The following SLC5A4 variants were observed in gnomAD, a reference collection of about 807,000 sequenced individuals.
SLC5A4 encodes probable glucose sensor protein SLC5A4.
In SLC5A4, 55 loss-of-function variants were observed where a neutral mutation model predicts 70.3. That is an observed-to-expected ratio of 0.78 (90% CI 0.63 to 0.98). The LOEUF (loss-of-function observed/expected upper bound fraction) is 0.98. Among genes scored for constraint, SLC5A4 ranks in the 50% least tolerant of loss-of-function variants. The pLI, the probability that SLC5A4 is intolerant of heterozygous loss-of-function variation, is 0.00. For missense variants in SLC5A4, 735 were observed against 839.2 expected (o/e 0.88, Z 1.53); for synonymous variants, 268 against 305.7 (o/e 0.88, Z 1.29).
the SLC5A4 span, among the ~76,000 whole-genome samples, chr22:32,308,601 C>A: frequency 8.0e-4 from 122 of 152,190 alleles, no homozygotes; most frequent in African/African-American, 2.4e-3. Context: ...GCTGTGTTTC[C>A]CCTGACATTC....
At chr22:32,336,881 C>T in the SLC5A4 span, among the ~76,000 whole-genome samples, 2 of 152,358 alleles carry the variant, frequency 1.3e-5, no homozygotes, top group East Asian at 3.9e-4. Context: ...GAACTTAACA[C>T]GCGGCATGGC....
At chr22:32,334,719 T>C in the SLC5A4 span, among the ~76,000 whole-genome samples, 3 of 152,164 alleles carry the variant, frequency 2.0e-5, no homozygotes, top group African/African-American at 4.8e-5. Context: ...GTCCCAGGGA[T>C]TGAATCATGG....
intron 13 of SLC5A4, among the ~76,000 whole-genome samples, chr22:32,221,735 TG>T (rs1194922790): frequency 1.3e-5 from 2 of 152,036 alleles, no homozygotes; most frequent in Non-Finnish European, 2.9e-5. Context: ...CAAGTATCAA[TG>T]TTTTTTTTTT....
chr22:32,344,194 A>G, the SLC5A4 span, among the ~76,000 whole-genome samples: 1 of 152,166 alleles, frequency 6.6e-6, no homozygotes, highest in Non-Finnish European at 1.5e-5. Flanking sequence ...TGTGATATCC[A>G]CAAAGAAATG....
the SLC5A4 span, chr22:32,272,499 G>T: frequency 1.4e-6 from 1 of 710,414 alleles, no homozygotes; most frequent in Non-Finnish European, 2.6e-6. Flanking sequence ...GCATCTGGCT[G>T]CTGTTACCAG....
intron 3 of SLC5A4, 103 bp downstream of exon 3, chr22:32,251,667 T>C (rs956742474): frequency 1.0e-4 from 84 of 804,584 alleles, no homozygotes; most frequent in Middle Eastern, 9.2e-4. Context: ...TTCTGTTCTT[T>C]ATAAATTATC....
chr22:32,322,214 A>G, the SLC5A4 span, among the ~76,000 whole-genome samples: 2 of 152,220 alleles, frequency 1.3e-5, no homozygotes, highest in African/African-American at 4.8e-5. Flanking sequence ...ACACAAGGCA[A>G]GTGAAAAAGG....
chr22:32,265,418 A>G, the SLC5A4 span, among the ~76,000 whole-genome samples: 1 of 152,064 alleles, frequency 6.6e-6, no homozygotes, highest in Non-Finnish European at 1.5e-5. Context: ...CTTAAATTAT[A>G]TTATTGTTTT....
the SLC5A4 span, among the ~76,000 whole-genome samples, chr22:32,350,266 A>G: frequency 2.0e-5 from 3 of 152,224 alleles, no homozygotes; most frequent in Non-Finnish European, 2.9e-5. Context: ...CCCCATTGTA[A>G]AGATGGATAC....
the SLC5A4 span, among the ~76,000 whole-genome samples, chr22:32,290,805 A>G: frequency 6.6e-6 from 1 of 152,136 alleles, no homozygotes; most frequent in Non-Finnish European, 1.5e-5. Context: ...AAAGGCCCAG[A>G]AAGTCCCCTC....
intron 4 of SLC5A4, among the ~76,000 whole-genome samples, 164 bp from the exon 5 acceptor site, chr22:32,247,679 C>G (rs751264376): frequency 2.0e-5 from 3 of 152,196 alleles, no homozygotes; most frequent in African/African-American, 2.4e-5. Context: ...TGATGCCATG[C>G]ACAGTGACTG....
the SLC5A4 span, among the ~76,000 whole-genome samples, chr22:32,349,538 C>A: frequency 5.3e-5 from 8 of 152,162 alleles, no homozygotes; most frequent in Non-Finnish European, 1.5e-5. Context: ...GCAAATTTAA[C>A]CTCTGACTTA....
At chr22:32,220,282 G>C (rs901179838) in intron 14 of SLC5A4, among the ~76,000 whole-genome samples, 2 of 152,198 alleles carry the variant, frequency 1.3e-5, no homozygotes, top group African/African-American at 4.8e-5. Flanking sequence ...GGAACAGAAA[G>C]CACTGACTCT....
the SLC5A4 span, among the ~76,000 whole-genome samples, chr22:32,317,382 T>C: frequency 4.6e-3 from 706 of 152,204 alleles, 8 homozygotes; most frequent in African/African-American, 0.016. Context: ...ACAATAGCAA[T>C]AAATAGATGA....
chr22:32,354,658 C>CG, the SLC5A4 span, among the ~76,000 whole-genome samples: 12 of 151,530 alleles, frequency 7.9e-5, no homozygotes, highest in Non-Finnish European at 1.6e-4. Flanking sequence ...CCCCCAGCCA[C>CG]GGGCAGCGCA....
At chr22:32,337,701 A>G in the SLC5A4 span, among the ~76,000 whole-genome samples, 6 of 152,000 alleles carry the variant, frequency 3.9e-5, no homozygotes, top group African/African-American at 1.5e-4. Context: ...CCAGAGGGAG[A>G]AAACTCTGAT....
In SLC5A4 at chr22:32,251,809, T is replaced by A; in HGVS notation, c.273A>T (p.Gly91=). ...SNHYVGLAGT[G]AASGVATVTF... is the part of the protein sequence containing the mutation. ...TTACGGTGGCGACTCCTGAAGCTGC[T>A]CCTGTCCCAGCCAGCCCCACATAGT... Residue 91 remains glycine, a synonymous_variant, in exon 3 of 15, where the codon GGA becomes GGT. Transcript: ENST00000266086. 1 of 1,613,934 alleles carries A rather than the reference T, an allele frequency of 6.2e-7. No individual in the cohort carries two copies. The highest frequency in any genetic ancestry group is 8.5e-7 in the Non-Finnish European group (1 of 1,179,820).
chr22:32,269,526 C>G, the SLC5A4 span: 1 of 610,218 alleles, frequency 1.6e-6, no homozygotes. This position sits in a 1 kb window ranked among gnomAD's most constrained non-coding sequence, Gnocchi z 4.1. Context: ...GACACGTGCT[C>G]CATCGTGGCC....
upstream of SLC5A4, chr22:32,255,476 C>T: frequency 1.3e-6 from 1 of 770,714 alleles, no homozygotes; most frequent in Non-Finnish European, 2.1e-6. Context: ...AAAGCTGTGG[C>T]ACCCCAGCCC....
Sources: gnomAD v4.1 joint callset for allele counts (sites outside exome capture counted in the v4.1 genomes callset) on GRCh38, gnomAD v4.1.1 for gene constraint, Gnocchi (gnomAD v3.1) non-coding constraint, MANE v1.5 for transcripts, NCBI Gene and HGNC (gene_info 2026-07-23, HGNC 2026-07-21) for gene names.